Variants in FAM178B observed in about 807,000 individuals in gnomAD.
The protein encoded by FAM178B is family with sequence similarity 178 member B.
In FAM178B, 82 loss-of-function variants were observed where a neutral mutation model predicts 91.7. The observed-to-expected ratio is 0.89, with a 90% CI of 0.75 to 1.07. FAM178B has a LOEUF of 1.07. FAM178B is among the 50% of genes least tolerant of loss of function. The pLI, the probability that FAM178B is intolerant of heterozygous loss-of-function variation, is 0.00. For synonymous variants in FAM178B, 368 were observed against 359.4 expected, an observed-to-expected ratio of 1.02 and a Z score of -0.27; for missense variants, 769 against 846.7, an observed-to-expected ratio of 0.91 and a Z score of 1.14.
intron 12 of FAM178B, among the ~76,000 whole-genome samples, chr2:96,914,678 CA>C (rs1217261830): frequency 6.6e-6 from 1 of 152,152 alleles, no homozygotes; most frequent in Non-Finnish European, 1.5e-5. Flanking sequence ...CACTTGAGCC[CA>C]GGGGTCTAAG....
At chr2:96,886,622 GATTT>G (rs2080528224) in intron 14 of FAM178B, among the ~76,000 whole-genome samples, 1 of 152,224 alleles carries the variant, frequency 6.6e-6, no homozygotes, top group Non-Finnish European at 1.5e-5. Context: ...GGCTTTCCAG[GATTT>G]GTGTTTGTGT....
chr2:96,984,286 G>A (rs954074141), intron 1 of FAM178B, among the ~76,000 whole-genome samples: 1 of 152,102 alleles, frequency 6.6e-6, no homozygotes, highest in African/African-American at 2.4e-5. Flanking sequence ...CTTTCACTCC[G>A]CCACCAGGAA....
chr2:96,926,276 T>G (rs2081436716), intron 9 of FAM178B, among the ~76,000 whole-genome samples: 2 of 151,988 alleles, frequency 1.3e-5, no homozygotes, highest in Admixed American at 1.3e-4. Flanking sequence ...CACTCCAGCC[T>G]GGGCAACAAG....
At chr2:96,944,376 T>A (rs1283525550) in intron 8 of FAM178B, among the ~76,000 whole-genome samples, 2 of 151,782 alleles carry the variant, frequency 1.3e-5, no homozygotes, top group Non-Finnish European at 2.9e-5. Flanking sequence ...ACAAACAACA[T>A]GGCAAGTGAC....
rs1434487897 is a variant in FAM178B at position 96,905,816 on chromosome 2, G to GTATATATATATATATATATGTA, written c.1563-3110_1563-3109insTACATATATATATATATATATA. Among the ~76,000 whole-genome samples, 196 of 36,752 alleles carry GTATATATATATATATATATGTA rather than the reference G, an allele frequency of 5.3e-3. 5 individuals are homozygous for GTATATATATATATATATATGTA. Among genetic ancestry groups the GTATATATATATATATATATGTA allele is most frequent in the African/African-American group, 0.024 (190 of 7,956 alleles). The allele number at this position is 36,752 out of a possible 152,430, so 24.1% of individuals were successfully genotyped here. On this transcript the variant is annotated intron_variant, in intron 12 of 16. Coordinates refer to ENST00000490605, the MANE Select transcript of FAM178B (RefSeq NM_001122646.3). The stretch of plus-strand genomic sequence containing the variant: ...TATACACAAAAATATACATATATGT[G>GTATATATATATATATATATGTA]TGTATATATATATATATATATATAT...
intron 12 of FAM178B, among the ~76,000 whole-genome samples, chr2:96,905,872 T>A (rs1358019711): frequency 2.1e-4 from 15 of 71,774 alleles, no homozygotes; most frequent in African/African-American, 6.1e-4. Context: ...TTTTTTTTTT[T>A]TTTTTTTTTT....
intron 1 of FAM178B, among the ~76,000 whole-genome samples, chr2:96,985,654 G>T (rs139420691): frequency 9.2e-5 from 14 of 152,170 alleles, no homozygotes; most frequent in Non-Finnish European, 1.6e-4. Flanking sequence ...ATATTACAAT[G>T]GTGCTGTTTC....
intron 7 of FAM178B, among the ~76,000 whole-genome samples, chr2:96,950,764 G>A (rs1478582147): frequency 6.6e-6 from 1 of 152,178 alleles, no homozygotes; most frequent in Non-Finnish European, 1.5e-5. Flanking sequence ...CGCTCTAGCA[G>A]CAACCAGGAG....
chr2:96,880,113 C>T (rs769698440), intron 14 of FAM178B, among the ~76,000 whole-genome samples: 1 of 152,228 alleles, frequency 6.6e-6, no homozygotes, highest in African/African-American at 2.4e-5. Context: ...AATAACATAC[C>T]TCTGCTTCTG....
At chr2:96,931,592 C>T (rs2081540126) in intron 8 of FAM178B, among the ~76,000 whole-genome samples, 1 of 152,140 alleles carries the variant, frequency 6.6e-6, no homozygotes, top group African/African-American at 2.4e-5. Context: ...AGGCACAAAG[C>T]AGGGAGGGCT....
rs1241842677 is a variant in FAM178B at position 96,963,761 on chromosome 2, T to C, written c.735-3321A>G. ...CATGCGCCTTCATTCACCCAGCATC[T>C]GCAGGAGCCTCCTGCTGCAGCAGCA... On this transcript the variant is annotated intron_variant, in intron 5 of 16. Transcript: ENST00000490605. 2.0e-5 allele frequency among the ~76,000 whole-genome samples: 3 copies of C among 152,364 alleles called. No homozygotes were observed. In the South Asian group the frequency reaches 6.2e-4, roughly 32 times the overall value.
intron 9 of FAM178B, among the ~76,000 whole-genome samples, chr2:96,927,321 C>T (rs1574261251): frequency 6.6e-6 from 1 of 152,320 alleles, no homozygotes; most frequent in East Asian, 1.9e-4. Context: ...TGGTCCCCAG[C>T]CTGCTCCCAG....
At position 96,891,364 on chromosome 2, in the gene FAM178B, C is replaced by T. The variant is rs189973451; in HGVS notation, c.1776+2562G>A. On this transcript the variant is annotated intron_variant, in intron 14 of 16. Transcript: ENST00000490605. Reference sequence around the variant, plus strand: ...TCTTGTGGCCTTAATGATACAAAGACCTTAAGAGACAAGGGGACCACGATG... The same window carrying T: ...TCTTGTGGCCTTAATGATACAAAGATCTTAAGAGACAAGGGGACCACGATG... Among the ~76,000 whole-genome samples, 306 of 152,282 alleles carry T rather than the reference C, an allele frequency of 2.0e-3. 6 individuals carry two copies. The highest frequency in any genetic ancestry group is 2.3e-3 in the Admixed American group (35 of 15,292).
intron 1 of FAM178B, among the ~76,000 whole-genome samples, chr2:96,980,048 C>T (rs1796049): frequency 0.81 from 122,658 of 152,174 alleles, 50,771 homozygotes; most frequent in Non-Finnish European, 0.88. Context: ...TTCTAGTCAG[C>T]GTGTAATGGT....
At chr2:96,899,086 G>A (rs1328560310) in intron 13 of FAM178B, among the ~76,000 whole-genome samples, 1 of 152,260 alleles carries the variant, frequency 6.6e-6, no homozygotes, top group East Asian at 1.9e-4. Context: ...GACCTGGGAG[G>A]AGGCTGTGAG....
intron 8 of FAM178B, among the ~76,000 whole-genome samples, chr2:96,945,125 T>A (rs1323136843): frequency 6.6e-6 from 1 of 152,204 alleles, no homozygotes; most frequent in African/African-American, 2.4e-5. Flanking sequence ...GCTCAATGTG[T>A]CTTTGCTGAA....
At chr2:96,933,061 G>A (rs561753585) in intron 8 of FAM178B, among the ~76,000 whole-genome samples, 10 of 150,070 alleles carry the variant, frequency 6.7e-5, no homozygotes, top group South Asian at 4.2e-4. Context: ...TGGCTAACAC[G>A]GTGAAACCCG....
intron 14 of FAM178B, among the ~76,000 whole-genome samples, chr2:96,879,908 T>A (rs1227948145): frequency 6.6e-6 from 1 of 152,124 alleles, no homozygotes; most frequent in African/African-American, 2.4e-5. Context: ...GAGCTCCCCT[T>A]CCCTCCAACC....
In FAM178B at chr2:96,902,736, G is replaced by T. The variant is rs538265595; in HGVS notation, c.1563-29C>A. The T allele has an allele frequency of 2.2e-5, 34 of 1,526,544 alleles. 1 individual carries two copies. The South Asian group carries it at 3.7e-4, about 17-fold the overall frequency. The allele number at this position is 1,526,544 out of a possible 1,614,324, so 94.6% of individuals were successfully genotyped here. A position where few individuals can be genotyped will look rare whatever the true frequency, so the allele number is the denominator to read the frequency against. On this transcript the variant is annotated intron_variant, in intron 12 of 16. Coordinates refer to ENST00000490605, the MANE Select transcript of FAM178B (RefSeq NM_001122646.3). The stretch of plus-strand genomic sequence containing the variant: ...GGGGAAAAGCGACAGCCTGAGAGAG[G>T]GTGTGCTGGAAGTCGGGGAGCCCGA...
Sources: allele counts gnomAD v4.1 joint callset (sites outside exome capture counted in the v4.1 genomes callset), GRCh38; gene constraint gnomAD v4.1.1; transcripts MANE v1.5; gene names NCBI Gene and HGNC (gene_info 2026-07-23, HGNC 2026-07-21).